The following NEXMIF variants were observed in gnomAD, a reference collection of about 807,000 sequenced individuals.
NEXMIF encodes the protein neurite extension and migration factor.
A neutral mutation model predicts 62.1 loss-of-function variants in NEXMIF; 8 were observed. The observed-to-expected ratio is 0.13, with a 90% CI of 0.08 to 0.23. The LOEUF is 0.23. Ranked by LOEUF, NEXMIF falls within the 10% of genes least tolerant of loss-of-function variation. The pLI is 1.00. For synonymous variants in NEXMIF, 404 were observed against 416.6 expected (o/e 0.97, Z 0.37); for missense variants, 976 against 1,113.3 (o/e 0.88, Z 1.75).
In NEXMIF at chrX:74,903,325, TACACACACACACAC is replaced by T. The variant is rs397897060; in HGVS notation, c.-48+21544_-48+21557del. Among the ~76,000 whole-genome samples, 109 of 51,243 alleles carry T rather than the reference TACACACACACACAC, an allele frequency of 2.1e-3. 1 individual carries two copies. The highest frequency in any genetic ancestry group is 6.2e-3 in the African/African-American group (82 of 13,163). The allele number at this position is 51,243 out of a possible 115,157, so 44.5% of individuals were successfully genotyped here. A position where few individuals can be genotyped will look rare whatever the true frequency, so the allele number is the denominator to read the frequency against. On this transcript the variant is annotated intron_variant, in intron 1 of 3. Transcript: ENST00000055682. ...TGGAGTCCTCACTGATTCTCAGGCA[TACACACACACACAC>T]ACACACACACACACACACACACACA...
At chrX:74,872,549 A>G (rs1048941158) in intron 1 of NEXMIF, among the ~76,000 whole-genome samples, 2 of 109,663 alleles carry the variant, frequency 1.8e-5, no homozygotes, top group African/African-American at 6.6e-5. Context: ...AGTAAAAAGT[A>G]ATTTACTATA....
At chrX:74,900,257 G>A (rs1281869932) in intron 1 of NEXMIF, among the ~76,000 whole-genome samples, 2 of 110,280 alleles carry the variant, frequency 1.8e-5, no homozygotes, top group Non-Finnish European at 3.8e-5. Context: ...GAGGTCAGGA[G>A]ATCAAGACCA....
chrX:74,909,404 G>C (rs1242034554), intron 1 of NEXMIF, among the ~76,000 whole-genome samples: 1 of 111,670 alleles, frequency 9.0e-6, no homozygotes, highest in African/African-American at 3.3e-5. Context: ...GAGATTTGTG[G>C]AACTTTGAAC....
At chrX:74,873,552 T>A (rs1476752648) in intron 1 of NEXMIF, among the ~76,000 whole-genome samples, 1 of 112,066 alleles carries the variant, frequency 8.9e-6, no homozygotes, top group Non-Finnish European at 1.9e-5. Flanking sequence ...TCTAGATCCC[T>A]GAGGAAACAC....
chrX:74,796,247 C>T (rs12858792), intron 1 of NEXMIF, among the ~76,000 whole-genome samples: 49 of 17,720 alleles, frequency 2.8e-3, no homozygotes, highest in Non-Finnish European at 9.6e-3. Context: ...TATATATACA[C>T]ATATATATTA....
chrX:74,780,390 T>C (rs1439007506), intron 1 of NEXMIF, among the ~76,000 whole-genome samples: 2 of 108,974 alleles, frequency 1.8e-5, no homozygotes, highest in African/African-American at 3.4e-5. Flanking sequence ...TTTTTTTTTT[T>C]CTTAGAGATG....
In NEXMIF at chrX:74,887,371, G is replaced by A. The variant is rs769395800; in HGVS notation, c.-48+37512C>T. Among the ~76,000 whole-genome samples, 18 of 111,116 alleles carry A rather than the reference G, an allele frequency of 1.6e-4. No homozygotes were observed. In the East Asian group the frequency reaches 2.6e-3, roughly 16 times the overall value. ...CATCAGAGTGAACAGGCAACCTACA[G>A]AATGGGAGAAAATTTTTGCAACCTA... On this transcript the variant is annotated intron_variant, in intron 1 of 3. Coordinates refer to ENST00000055682, the MANE Select transcript of NEXMIF (RefSeq NM_001008537.3).
At chrX:74,797,872 GT>G (rs779472022) in intron 1 of NEXMIF, among the ~76,000 whole-genome samples, 38 of 112,307 alleles carry the variant, frequency 3.4e-4, no homozygotes, top group Middle Eastern at 9.2e-3. Flanking sequence ...AGAGAGATGG[GT>G]TCAGTAAGAA....
intron 1 of NEXMIF, chrX:74,769,908 T>C: frequency 7.6e-6 from 2 of 264,421 alleles, no homozygotes; most frequent in Non-Finnish European, 1.3e-5. Context: ...CCTGTTGTTA[T>C]ATACACAGGT....
intron 1 of NEXMIF, among the ~76,000 whole-genome samples, chrX:74,816,547 T>C (rs771233538): frequency 1.7e-3 from 192 of 112,204 alleles, no homozygotes; most frequent in Non-Finnish European, 3.1e-3. Context: ...CTATTTAGAA[T>C]GAAAAGATAA....
Position 74,736,095 on chromosome X carries a change from A to C in NEXMIF, c.*3310T>G, listed in dbSNP as rs962121766. 1 of 111,491 alleles carries C rather than the reference A, an allele frequency of 9.0e-6. No individual in the cohort carries two copies. Among genetic ancestry groups the C allele is most frequent in the African/African-American group, 3.3e-5 (1 of 30,613 alleles). 9.2% of individuals were successfully genotyped at this position (111,491 alleles called of 1,213,427 possible). A position where few individuals can be genotyped will look rare whatever the true frequency, so the allele number is the denominator to read the frequency against. On this transcript the variant is annotated 3_prime_UTR_variant, in exon 4 of 4. Transcript: ENST00000055682. ...GGGTACAATGTACACTATTTCGGTG[A>C]TGGGTACACTAAAAGCCCAGATTTC...
At chrX:74,779,084 A>C (rs188019669) in intron 1 of NEXMIF, among the ~76,000 whole-genome samples, 19 of 112,673 alleles carry the variant, frequency 1.7e-4, no homozygotes, top group African/African-American at 5.8e-4. Flanking sequence ...AAATAGGTCA[A>C]GTTCAGACGC....
chrX:74,754,152 G>T (rs1248398955), intron 1 of NEXMIF, among the ~76,000 whole-genome samples: 5 of 109,722 alleles, frequency 4.6e-5, no homozygotes, highest in Non-Finnish European at 9.5e-5. Context: ...AGTAGAGATG[G>T]GGTTTCACCA....
chrX:74,743,550 T>C lies in NEXMIF; in HGVS notation c.1007A>G (p.Asn336Ser). Reference protein sequence around the residue: ...TLLMQEDAQFNFFPSVFTTCP... With the variant: ...TLLMQEDAQFSFFPSVFTTCP... ...GGTAGTAAAGACGCTGGGAAAAAAG[T>C]TGAATTGGGCATCTTCCTGCATCAA... Residue 336 changes from asparagine to serine, a missense_variant, in exon 3 of 4, where the codon AAC becomes AGC. Physicochemically the swap from Asn to Ser is conservative, Grantham distance 46. Transcript: ENST00000055682. 3.3e-6 allele frequency: 4 copies of C among 1,211,198 alleles called. No homozygotes were observed. The highest frequency in any genetic ancestry group is 4.5e-6 in the Non-Finnish European group (4 of 895,286).
intron 1 of NEXMIF, among the ~76,000 whole-genome samples, chrX:74,870,471 G>T (rs1181255698): frequency 9.0e-6 from 1 of 111,394 alleles, no homozygotes; most frequent in Non-Finnish European, 1.9e-5. Flanking sequence ...GACAAATGGG[G>T]TCACATCAAG....
At chrX:74,868,863 A>G (rs897613136) in intron 1 of NEXMIF, among the ~76,000 whole-genome samples, 15 of 111,533 alleles carry the variant, frequency 1.3e-4, no homozygotes, top group African/African-American at 4.9e-4. Flanking sequence ...AGCAAAGCCA[A>G]TGACCCTGAT....
rs139463900 is a variant in NEXMIF at position 74,853,785 on chromosome X, T to C, written c.-48+71098A>G. Among the ~76,000 whole-genome samples, 343 of 111,224 alleles carry C rather than the reference T, an allele frequency of 3.1e-3. 2 individuals are homozygous for C. The highest frequency in any genetic ancestry group is 0.011 in the African/African-American group (336 of 30,633). On this transcript the variant is annotated intron_variant, in intron 1 of 3. Transcript: ENST00000055682. The stretch of plus-strand genomic sequence containing the variant: ...GATAGCACAGAAATATAAAAGATCA[T>C]CAGAGCCTATTAAGAACAACTATAC...
rs189064634 is a variant in NEXMIF, at chrX:74,795,026, C to T, written c.-47-49329G>A. Among the ~76,000 whole-genome samples the T allele has an allele frequency of 4.6e-3, 516 of 111,954 alleles. 3 individuals carry two copies. The highest frequency in any genetic ancestry group is 0.014 in the Middle Eastern group (3 of 217). ...ATCCCATTGATATTCTATTTTCCGT[C>T]CACATGGAATATGGTGTGAGAGTGA... On this transcript the variant is annotated intron_variant, in intron 1 of 3. Coordinates refer to ENST00000055682, the MANE Select transcript of NEXMIF (RefSeq NM_001008537.3).
chrX:74,807,868 T>C (rs898576041), intron 1 of NEXMIF, among the ~76,000 whole-genome samples: 3 of 111,981 alleles, frequency 2.7e-5, no homozygotes, highest in African/African-American at 6.5e-5. Flanking sequence ...AGGGAAAGCA[T>C]GTAGTTTCTC....
Sources: allele counts gnomAD v4.1 joint callset (sites outside exome capture counted in the v4.1 genomes callset), GRCh38; gene constraint gnomAD v4.1.1; transcripts MANE v1.5; gene names NCBI Gene and HGNC (gene_info 2026-07-23, HGNC 2026-07-21).